GRIA4: variants seen among roughly 807,000 people sequenced by gnomAD.
The protein encoded by GRIA4 is glutamate receptor 4.
GRIA4 carries 34 observed loss-of-function variants against 104.0 expected under a neutral mutation model. The observed-to-expected ratio is 0.33, with a 90% confidence interval of 0.25 to 0.44. The LOEUF (loss-of-function observed/expected upper bound fraction) is 0.44, where lower values mean the gene tolerates loss of function less well. GRIA4 is among the 20% of genes least tolerant of loss of function. GRIA4 has a pLI of 1.00. For missense variants in GRIA4, 750 were observed against 1,096.5 expected (o/e 0.68, Z 4.46); for synonymous variants, 386 against 381.9 (o/e 1.01, Z -0.13).
chr11:105,794,955 C>T (rs539950437), intron 4 of GRIA4, among the ~76,000 whole-genome samples: 30 of 152,018 alleles, frequency 2.0e-4, no homozygotes, highest in African/African-American at 5.5e-4. Flanking sequence ...TCTGAGAAGA[C>T]CATTTTTACT....
intron 4 of GRIA4, among the ~76,000 whole-genome samples, chr11:105,834,876 G>A (rs1944118184): frequency 6.6e-6 from 1 of 151,908 alleles, no homozygotes; most frequent in African/African-American, 2.4e-5. Context: ...TCAGCCTGCT[G>A]CAAATAGTCT....
chr11:105,920,210 G>GA lies in GRIA4; in HGVS notation c.1476+1301dup, dbSNP rs199590178. Among the ~76,000 whole-genome samples the GA allele has an allele frequency of 2.3e-3, 346 of 150,484 alleles. 8 individuals carry two copies. The East Asian group carries it at 0.046, about 20-fold the overall frequency. On this transcript the variant is annotated intron_variant, in intron 11 of 16. Coordinates refer to ENST00000282499, the MANE Select transcript of GRIA4 (RefSeq NM_000829.4). ...TGACTGCTTAGGTGACCCTAAATGAGAAAAAAAAATGCAGTTTAAAAAATA... is the reference window on the plus strand; with the variant it reads ...TGACTGCTTAGGTGACCCTAAATGAGAAAAAAAAAATGCAGTTTAAAAAATA...
chr11:105,661,000 G>C (rs1951991649), intron 3 of GRIA4, among the ~76,000 whole-genome samples: 1 of 151,514 alleles, frequency 6.6e-6, no homozygotes, highest in Non-Finnish European at 1.5e-5. Context: ...TGACTGTATA[G>C]AAGAAAAAAT....
At chr11:105,948,491 A>G (rs1236628177) in intron 14 of GRIA4, among the ~76,000 whole-genome samples, 2 of 151,754 alleles carry the variant, frequency 1.3e-5, no homozygotes, top group Non-Finnish European at 2.9e-5. Context: ...TAATAAATGT[A>G]ATTTTTAATT....
rs538918277 is a variant in GRIA4 at position 105,654,632 on chromosome 11, G to A, written c.247+42198G>A. 7.9e-5 allele frequency among the ~76,000 whole-genome samples: 12 copies of A among 152,078 alleles called. No homozygotes were observed. The South Asian group carries it at 2.3e-3, about 29-fold the overall frequency. ...CTGTGTCAATCTGGTATAATTGCTG[G>A]CTACTCAACTCACAACAGCTACACC... On this transcript the variant is annotated intron_variant, in intron 3 of 16. Coordinates refer to ENST00000282499, the MANE Select transcript of GRIA4 (RefSeq NM_000829.4).
chr11:105,898,736 T>C (rs555949263), intron 7 of GRIA4, among the ~76,000 whole-genome samples: 2 of 152,258 alleles, frequency 1.3e-5, no homozygotes, highest in South Asian at 4.1e-4. Context: ...AGAGCATCCG[T>C]AACTTTTCTC....
chr11:105,627,804 A>G (rs1365829511), intron 3 of GRIA4, among the ~76,000 whole-genome samples: 1 of 152,226 alleles, frequency 6.6e-6, no homozygotes, highest in African/African-American at 2.4e-5. Flanking sequence ...TAATATGCAT[A>G]GAGGCAATAA....
At chr11:105,744,736 C>A (rs955906435) in intron 3 of GRIA4, among the ~76,000 whole-genome samples, 3 of 152,124 alleles carry the variant, frequency 2.0e-5, no homozygotes, top group Admixed American at 2.0e-4. Context: ...GACAAATGCA[C>A]CTTATACATC....
At chr11:105,966,897 T>A (rs1365447467) in intron 14 of GRIA4, among the ~76,000 whole-genome samples, 1 of 152,178 alleles carries the variant, frequency 6.6e-6, no homozygotes, top group Non-Finnish European at 1.5e-5. Flanking sequence ...ATCTAATAAC[T>A]AGTTCTATTG....
chr11:105,867,003 CTTCT>C (rs952320605), intron 5 of GRIA4, among the ~76,000 whole-genome samples: 6 of 152,206 alleles, frequency 3.9e-5, no homozygotes, highest in African/African-American at 1.4e-4. Flanking sequence ...TCTTAAACTG[CTTCT>C]TTATCATGTA....
chr11:105,861,341 G>T (rs138090547), intron 4 of GRIA4, among the ~76,000 whole-genome samples: 1 of 151,926 alleles, frequency 6.6e-6, no homozygotes, highest in Non-Finnish European at 1.5e-5. Flanking sequence ...CCTTGAGTCC[G>T]GCTACACACT....
rs149328390 is a variant in GRIA4, at chr11:105,770,872, C to T, written c.487+17652C>T. 1.3e-3 allele frequency among the ~76,000 whole-genome samples: 203 copies of T among 152,112 alleles called. No individual in the cohort carries two copies. The Middle Eastern group carries it at 0.014, about 10-fold the overall frequency. On this transcript the variant is annotated intron_variant, in intron 4 of 16. Transcript: ENST00000282499. ...AAAACATCAAAATGCTCTGAACATT[C>T]GTCCATCCATTCCCTCCTATGTTCT...
intron 4 of GRIA4, among the ~76,000 whole-genome samples, chr11:105,841,986 GT>G (rs760204063): frequency 6.6e-6 from 1 of 152,122 alleles, no homozygotes; most frequent in African/African-American, 2.4e-5. Context: ...TAAGTGGGGT[GT>G]TTTTTAATTT....
chr11:105,855,634 A>T (rs541626963), intron 4 of GRIA4, among the ~76,000 whole-genome samples: 3 of 152,294 alleles, frequency 2.0e-5, no homozygotes, highest in Non-Finnish European at 2.9e-5. Flanking sequence ...TTTTTCAAAA[A>T]TGCTTTACTT....
intron 3 of GRIA4, among the ~76,000 whole-genome samples, chr11:105,730,256 T>TA (rs1938503081): frequency 6.6e-6 from 1 of 152,080 alleles, no homozygotes; most frequent in South Asian, 2.1e-4. Context: ...GTGAGCCAAA[T>TA]AATGAGCTAA....
chr11:105,891,310 T>C (rs974073710), intron 6 of GRIA4, among the ~76,000 whole-genome samples: 1 of 152,194 alleles, frequency 6.6e-6, no homozygotes, highest in Non-Finnish European at 1.5e-5. Context: ...CCTCAGAGTT[T>C]GGATGTCTCT....
At chr11:105,847,409 A>AT (rs1190687432) in intron 4 of GRIA4, among the ~76,000 whole-genome samples, 1 of 152,196 alleles carries the variant, frequency 6.6e-6, no homozygotes, top group Non-Finnish European at 1.5e-5. Flanking sequence ...GGACCTCTGC[A>AT]TTAGAGCACA....
At chr11:105,958,177 CCT>C (rs1346693683) in intron 14 of GRIA4, among the ~76,000 whole-genome samples, 21 of 152,284 alleles carry the variant, frequency 1.4e-4, no homozygotes, top group African/African-American at 4.1e-4. Flanking sequence ...AGAGGGCACC[CCT>C]GTCTTGTGCC....
chr11:105,925,214 T>C (rs527375232), intron 12 of GRIA4, among the ~76,000 whole-genome samples: 11 of 152,276 alleles, frequency 7.2e-5, no homozygotes, highest in Non-Finnish European at 7.4e-5. Context: ...GGGAGATACC[T>C]GGAACCTGAG....
Sources: allele counts gnomAD v4.1 joint callset (sites outside exome capture counted in the v4.1 genomes callset), GRCh38; gene constraint gnomAD v4.1.1; transcripts MANE v1.5; gene names NCBI Gene and HGNC (gene_info 2026-07-23, HGNC 2026-07-21).